The following ACSL5 variants were observed in gnomAD, a reference collection of about 807,000 sequenced individuals.
ACSL5 encodes the protein acyl-CoA synthetase long chain family member 5.
A neutral mutation model predicts 84.9 loss-of-function variants in ACSL5; 50 were observed. The ratio of observed to expected loss-of-function variants is 0.59; its 90% CI spans 0.47 to 0.75. ACSL5 has a LOEUF of 0.75. Among genes scored for constraint, ACSL5 ranks in the 30% least tolerant of loss-of-function variants. The probability of loss-of-function intolerance (pLI) is 0.00; values close to 1 mark genes in which losing one functional copy is unlikely to be tolerated. For missense variants in ACSL5, 775 were observed against 830.4 expected, an observed-to-expected ratio of 0.93 and a Z score of 0.82; for synonymous variants, 280 against 300.7, an observed-to-expected ratio of 0.93 and a Z score of 0.71.
chr10:112,418,965 C>T (rs753884788), intron 14 of ACSL5: 5 of 152,080 alleles, frequency 3.3e-5, no homozygotes, highest in African/African-American at 9.7e-5. Context: ...AAGGGTCAAC[C>T]GTACCCAAAT....
rs571909370 is a variant in ACSL5, at chr10:112,418,507, G to A, written c.1314+566G>A. On this transcript the variant is annotated intron_variant, in intron 14 of 20. Transcript: ENST00000354655. ...TGAGGCGGGAGAATGGCGTGAACCCGGCAGGTGGAGCTTGCAGTGAGCTGA... is the reference window on the plus strand; with the variant it reads ...TGAGGCGGGAGAATGGCGTGAACCCAGCAGGTGGAGCTTGCAGTGAGCTGA... 1.9e-3 allele frequency among the ~76,000 whole-genome samples: 291 copies of A among 152,092 alleles called. 2 individuals are homozygous for A. Among genetic ancestry groups the A allele is most frequent in the African/African-American group, 6.1e-3 (255 of 41,478 alleles).
In ACSL5 at chr10:112,409,596, G is replaced by T; in HGVS notation, c.622G>T (p.Val208Leu). Reference sequence around the variant, plus strand: ...GAAAGGCTTCACCCCGAGCCTGAAGGTGATCATCCTTATGGACCCCTTTGA... The same window carrying T: ...GAAAGGCTTCACCCCGAGCCTGAAGTTGATCATCCTTATGGACCCCTTTGA... ...VEKGFTPSLK[V>L]IILMDPFDDD... The change falls in exon 7 of 21, where the codon GTG (valine) becomes TTG (leucine). Residue 208 changes from valine (V) to leucine (L), a missense_variant. Transcript: ENST00000354655. 13 of 1,614,160 alleles carry T rather than the reference G, an allele frequency of 8.1e-6. No homozygotes were observed. Among genetic ancestry groups the T allele is most frequent in the Non-Finnish European group, 1.0e-5 (12 of 1,180,016 alleles).
intron 12 of ACSL5, among the ~76,000 whole-genome samples, chr10:112,416,525 T>A (rs1375915136): frequency 3.3e-5 from 5 of 150,632 alleles, no homozygotes; most frequent in African/African-American, 7.3e-5. Flanking sequence ...TTTGACCTAC[T>A]AAATCAAAAG....
intron 1 of ACSL5, chr10:112,376,191 A>G (rs1849234698): frequency 7.1e-7 from 1 of 1,413,842 alleles, no homozygotes; most frequent in East Asian, 2.3e-5. Context: ...GTTGTGAAAA[A>G]AAAAATTAAA....
At position 112,411,678 on chromosome 10, in the gene ACSL5, C is replaced by T. The variant is rs556078189; in HGVS notation, c.870+149C>T. ...AGGCTGGAGTGTGGACAAACACCAG[C>T]GTGTTCTTTGTTTAGAGGACTGTAC... On this transcript the variant is annotated intron_variant, in intron 10 of 20. Transcript: ENST00000354655. 1,094 of 888,468 alleles carry T rather than the reference C, an allele frequency of 1.2e-3. 4 individuals carry two copies. Among genetic ancestry groups the T allele is most frequent in the South Asian group, 2.8e-3 (170 of 61,146 alleles). 55.0% of individuals were successfully genotyped at this position (888,468 alleles called of 1,614,324 possible).
intron 3 of ACSL5, among the ~76,000 whole-genome samples, chr10:112,403,249 A>G (rs948766289): frequency 2.6e-5 from 4 of 152,230 alleles, no homozygotes; most frequent in Non-Finnish European, 5.9e-5. Context: ...CTTAGACTAT[A>G]GTAATAACTT....
At chr10:112,418,097 G>T (rs1425069006) in intron 14 of ACSL5, among the ~76,000 whole-genome samples, 156 bp downstream of exon 14, 1 of 152,078 alleles carries the variant, frequency 6.6e-6, no homozygotes, top group East Asian at 1.9e-4. Flanking sequence ...ATCTCTTCAG[G>T]CATCTGTGTG....
intron 11 of ACSL5, chr10:112,412,768 G>A (rs944751310): frequency 6.4e-6 from 1 of 155,518 alleles, no homozygotes; most frequent in African/African-American, 2.4e-5. Context: ...AAATTGTGAT[G>A]GTCTTACGAT....
At chr10:112,419,102 CTGTGTGTGTG>C (rs57261585) in intron 14 of ACSL5, among the ~76,000 whole-genome samples, 2 of 146,516 alleles carry the variant, frequency 1.4e-5, no homozygotes, top group South Asian at 2.2e-4. Flanking sequence ...CACAATGTAT[CTGTGTGTGTG>C]TGTGTGTGTG....
intron 4 of ACSL5, 54 bp downstream of exon 4, chr10:112,404,629 T>C: frequency 6.3e-7 from 1 of 1,598,778 alleles, no homozygotes. Context: ...TATTCTGAAC[T>C]ACAGGATACG....
rs1844189816 is a variant in ACSL5, at chr10:112,411,976, A to T, written c.945A>T (p.Val315=). 1 of 1,611,786 alleles carries T rather than the reference A, an allele frequency of 6.2e-7. No homozygotes were observed. Among genetic ancestry groups the T allele is most frequent in the African/African-American group, 1.3e-5 (1 of 75,006 alleles). Reference sequence around the variant, plus strand: ...TGGCTCATATGTTTGAGAGGATTGTACAGGTGAGTGTTCTGTGTTCCTAGC... The same window carrying T: ...TGGCTCATATGTTTGAGAGGATTGTTCAGGTGAGTGTTCTGTGTTCCTAGC... The part of the protein sequence containing the change: ...LPLAHMFERI[V]QAVVYSCGAR... Residue 315 remains valine, a synonymous_variant, in exon 11 of 21, where the codon GTA becomes GTT. Coordinates refer to ENST00000354655, the MANE Select transcript of ACSL5 (RefSeq NM_203379.2).
Position 112,404,713 on chromosome 10 carries a change from T to C in ACSL5, c.339T>C (p.Asp113=), listed in dbSNP as rs758149545. 6 of 1,613,880 alleles carry C rather than the reference T, an allele frequency of 3.7e-6. No individual in the cohort carries two copies. The highest frequency in any genetic ancestry group is 1.7e-5 in the Admixed American group (1 of 60,008). The change falls in exon 5 of 21, where the codon GAT becomes GAC. Residue 113 remains aspartate (D), a synonymous_variant. Coordinates refer to ENST00000354655, the MANE Select transcript of ACSL5 (RefSeq NM_203379.2). ...YRWLSYKQVS[D]RAEYLGSCLL... ...ATCTCTCTTTTTTGTAGGTGTCTGATAGAGCAGAGTACCTGGGTTCCTGTC... is the reference window on the plus strand; with the variant it reads ...ATCTCTCTTTTTTGTAGGTGTCTGACAGAGCAGAGTACCTGGGTTCCTGTC...
chr10:112,423,221 A>AATTATATATATATATATAT (rs1844541884), intron 17 of ACSL5, among the ~76,000 whole-genome samples: 1 of 16,088 alleles, frequency 6.2e-5, no homozygotes, highest in Non-Finnish European at 1.0e-4. Flanking sequence ...AAAAAAAAAA[A>AATTATATATATATATATAT]ATATATATAT....
At chr10:112,385,285 A>G (rs1849427876) in intron 1 of ACSL5, among the ~76,000 whole-genome samples, 1 of 152,236 alleles carries the variant, frequency 6.6e-6, no homozygotes, top group African/African-American at 2.4e-5. Flanking sequence ...GAAAATGACC[A>G]AGAAGAGCTT....
chr10:112,378,063 T>G, intron 1 of ACSL5, among the ~76,000 whole-genome samples: 1 of 152,190 alleles, frequency 6.6e-6, no homozygotes, highest in Non-Finnish European at 1.5e-5. Flanking sequence ...CAGCGTGTCA[T>G]TGCATACCTA....
intron 5 of ACSL5, 95 bp from the exon 6 acceptor site, chr10:112,408,321 CAAAACA>C (rs1844096867): frequency 5.2e-6 from 3 of 574,966 alleles, no homozygotes; most frequent in Non-Finnish European, 8.8e-6. Flanking sequence ...AAAAGCAAAA[CAAAACA>C]AGACAAAAAA....
At chr10:112,420,875 C>T (rs536065515) in intron 14 of ACSL5, among the ~76,000 whole-genome samples, 2 of 152,180 alleles carry the variant, frequency 1.3e-5, no homozygotes, top group African/African-American at 4.8e-5. Flanking sequence ...GCATGTGCCA[C>T]CAGGCCCGGC....
chr10:112,424,481 GT>G (rs1844593874), intron 17 of ACSL5: 1 of 152,146 alleles, frequency 6.6e-6, no homozygotes, highest in African/African-American at 2.4e-5. Context: ...TAATATATTT[GT>G]TTCTGTCTAG....
chr10:112,376,332 G>A, intron 1 of ACSL5: 1 of 1,614,188 alleles, frequency 6.2e-7, no homozygotes, highest in South Asian at 1.1e-5. Context: ...AAGCCACCCT[G>A]TCTCTGGAGG....
Sources: allele counts gnomAD v4.1 joint callset (sites outside exome capture counted in the v4.1 genomes callset), GRCh38; gene constraint gnomAD v4.1.1; transcripts MANE v1.5; gene names NCBI Gene and HGNC (gene_info 2026-07-23, HGNC 2026-07-21).